Variants in BMP8A observed in about 807,000 individuals in gnomAD.
BMP8A encodes BMP-8A.
In BMP8A, 14 loss-of-function variants were observed where a neutral mutation model predicts 36.8. The ratio of observed to expected loss-of-function variants is 0.38; its 90% CI spans 0.25 to 0.60. BMP8A has a LOEUF of 0.60. BMP8A is among the 20% of genes least tolerant of loss of function. The pLI, the probability that BMP8A is intolerant of heterozygous loss-of-function variation, is 0.63. For missense variants in BMP8A, 267 were observed against 551.1 expected, an observed-to-expected ratio of 0.48 and a Z score of 5.16; for synonymous variants, 120 against 237.7, an observed-to-expected ratio of 0.50 and a Z score of 4.55.
intron 1 of BMP8A, among the ~76,000 whole-genome samples, chr1:39,494,203 C>T (rs1440787471): frequency 6.6e-6 from 1 of 152,226 alleles, no homozygotes; most frequent in East Asian, 1.9e-4. Flanking sequence ...GGAACATCTC[C>T]ACATGTCTTG....
At chr1:39,516,818 C>T (rs1234866822) in intron 3 of BMP8A, among the ~76,000 whole-genome samples, 2 of 152,008 alleles carry the variant, frequency 1.3e-5, no homozygotes, top group African/African-American at 2.4e-5. Flanking sequence ...CTCCCTCGTA[C>T]TTGAACCATG....
chr1:39,523,781 C>T lies in BMP8A; in HGVS notation c.1059+664C>T, dbSNP rs537451695. On this transcript the variant is annotated intron_variant, in intron 6 of 6. Transcript: ENST00000331593. ...TCTGTGTGTTTGCGGATTCTGGCAC[C>T]GAGGCTTCCTTCTAGAAGTTTTTAC... 7.5e-5 allele frequency: 83 copies of T among 1,109,284 alleles called. 2 individuals are homozygous for T. In the South Asian group the frequency reaches 8.9e-4, roughly 12 times the overall value. 68.7% of individuals were successfully genotyped at this position (1,109,284 alleles called of 1,614,324 possible). A position where few individuals can be genotyped will look rare whatever the true frequency, so the allele number is the denominator to read the frequency against.
At chr1:39,499,325 C>T (rs563431593) in intron 1 of BMP8A, among the ~76,000 whole-genome samples, 41 of 152,216 alleles carry the variant, frequency 2.7e-4, no homozygotes, top group Non-Finnish European at 4.7e-4. Context: ...GCAGGGCCAG[C>T]GCAGGGAGGG....
At chr1:39,515,858 C>T (rs111482114) in intron 3 of BMP8A, 2 of 1,577,602 alleles carry the variant, frequency 1.3e-6, no homozygotes, top group East Asian at 4.5e-5. Context: ...ACGCGCAGCT[C>T]TGGAATTTGA....
chr1:39,522,455 C>G lies in BMP8A; in HGVS notation c.921C>G (p.Tyr307Ter). The change falls in exon 5 of 7, where the codon TAC becomes TAG. Residue 307 changes from tyrosine to a stop codon, truncating the protein, a stop_gained. Transcript: ENST00000331593. LOFTEE classifies it high-confidence loss of function. ...GRQVCRRHEL[Y>*]VSFQDLGWLD... ...AGGTCTGCCGTCGGCACGAGCTCTACGTCAGCTTCCAGGACCTTGGCTGGC... is the reference window on the plus strand; with the variant it reads ...AGGTCTGCCGTCGGCACGAGCTCTAGGTCAGCTTCCAGGACCTTGGCTGGC... 6.2e-7 allele frequency: 1 copy of G among 1,613,732 alleles called. No homozygotes were observed. Among genetic ancestry groups the G allele is most frequent in the Non-Finnish European group, 8.5e-7 (1 of 1,179,828 alleles).
intron 6 of BMP8A, chr1:39,523,865 G>A (rs1645455457): frequency 4.8e-6 from 2 of 418,242 alleles, no homozygotes; most frequent in Non-Finnish European, 7.5e-6. Context: ...GAGGTTCAAC[G>A]GTGATGCCTT....
chr1:39,495,469 T>TTGGATTC (rs1645197201), intron 1 of BMP8A, among the ~76,000 whole-genome samples: 1 of 145,614 alleles, frequency 6.9e-6, no homozygotes, highest in South Asian at 2.3e-4. Flanking sequence ...GATGGAGCGG[T>TTGGATTC]TGGATTCTGT....
At chr1:39,501,701 T>G (rs570611214) in intron 1 of BMP8A, among the ~76,000 whole-genome samples, 1 of 152,160 alleles carries the variant, frequency 6.6e-6, no homozygotes, top group Non-Finnish European at 1.5e-5. Context: ...TGGCCTCAAG[T>G]GGTCCTCCTG....
chr1:39,517,951 T>C (rs1222963279), intron 3 of BMP8A, among the ~76,000 whole-genome samples: 1 of 151,942 alleles, frequency 6.6e-6, no homozygotes. Context: ...TTTGAATTGT[T>C]CCTGCATCAT....
chr1:39,499,939 A>G (rs909508131), intron 1 of BMP8A, among the ~76,000 whole-genome samples: 2 of 152,220 alleles, frequency 1.3e-5, no homozygotes, highest in African/African-American at 4.8e-5. Flanking sequence ...GCACTGTCAC[A>G]ATATTGGTTG....
At chr1:39,503,771 C>T (rs1056923315) in intron 1 of BMP8A, among the ~76,000 whole-genome samples, 3 of 151,730 alleles carry the variant, frequency 2.0e-5, no homozygotes, top group African/African-American at 7.3e-5. Flanking sequence ...CCTCGGCCAC[C>T]CAAAGTGCTA....
At chr1:39,501,571 C>T (rs1249256986) in intron 1 of BMP8A, among the ~76,000 whole-genome samples, 2 of 152,084 alleles carry the variant, frequency 1.3e-5, no homozygotes, top group African/African-American at 4.8e-5. Flanking sequence ...TACCTCAAAA[C>T]AAAGAGCTAA....
At chr1:39,497,670 C>T (rs1444304037) in intron 1 of BMP8A, among the ~76,000 whole-genome samples, 1 of 152,208 alleles carries the variant, frequency 6.6e-6, no homozygotes, top group Non-Finnish European at 1.5e-5. Flanking sequence ...AGGGGCTCAC[C>T]TAGCCCCTCT....
In BMP8A at chr1:39,529,317, A is replaced by T. The variant is rs1485872898; in HGVS notation, c.*3519A>T. ...CCTGAGAGCTATGCTTTTCATCAAA[A>T]ACCTAAACGTGATCATCTCTTGGAT... On this transcript the variant is annotated 3_prime_UTR_variant, in exon 7 of 7. Coordinates refer to ENST00000331593, the MANE Select transcript of BMP8A (RefSeq NM_181809.4). 6.6e-6 allele frequency among the ~76,000 whole-genome samples: 1 copy of T among 152,198 alleles called. No individual in the cohort carries two copies. The highest frequency in any genetic ancestry group is 1.5e-5 in the Non-Finnish European group (1 of 68,034).
chr1:39,491,948 G>A lies in BMP8A; in HGVS notation c.-44G>A. The A allele has an allele frequency of 2.8e-6, 3 of 1,061,990 alleles. No homozygotes were observed. The highest frequency in any genetic ancestry group is 3.4e-6 in the Non-Finnish European group (3 of 880,320). 65.8% of individuals were successfully genotyped at this position (1,061,990 alleles called of 1,614,324 possible). A position where few individuals can be genotyped will look rare whatever the true frequency, so the allele number is the denominator to read the frequency against. ...TCGGGGCGTCCCCGGGCCCAGGGGCGGCGGCGGAGCTGATGTGCGCCCGCT... is the reference window on the plus strand; with the variant it reads ...TCGGGGCGTCCCCGGGCCCAGGGGCAGCGGCGGAGCTGATGTGCGCCCGCT... On this transcript the variant is annotated 5_prime_UTR_variant, in exon 1 of 7. Coordinates refer to ENST00000331593, the MANE Select transcript of BMP8A (RefSeq NM_181809.4).
intron 1 of BMP8A, among the ~76,000 whole-genome samples, chr1:39,503,410 G>A (rs1645269453): frequency 6.6e-6 from 1 of 151,662 alleles, no homozygotes; most frequent in Non-Finnish European, 1.5e-5. Context: ...CCAGCAAGGT[G>A]AGCCAAGAGT....
At chr1:39,515,165 C>G (rs1249033112) in intron 3 of BMP8A, 2 of 1,548,686 alleles carry the variant, frequency 1.3e-6, no homozygotes, top group Non-Finnish European at 1.7e-6. Context: ...GCGGGATCCC[C>G]GAGAACCTGA....
chr1:39,525,179 G>A (rs933616976), intron 6 of BMP8A: 9 of 168,368 alleles, frequency 5.3e-5, no homozygotes, highest in Non-Finnish European at 1.2e-4. Flanking sequence ...ACAGGAGAGG[G>A]GGCGAGGCCT....
chr1:39,514,482 C>T (rs565899983), intron 3 of BMP8A, among the ~76,000 whole-genome samples: 27 of 150,954 alleles, frequency 1.8e-4, no homozygotes, highest in African/African-American at 6.6e-4. Flanking sequence ...ACTCACTCTC[C>T]GGGTTGTCAC....
Sources: gnomAD v4.1 joint callset for allele counts (sites outside exome capture counted in the v4.1 genomes callset) on GRCh38, gnomAD v4.1.1 for gene constraint, MANE v1.5 for transcripts, NCBI Gene and HGNC (gene_info 2026-07-23, HGNC 2026-07-21) for gene names.